The following PIAS1 variants were observed in gnomAD, a reference collection of about 807,000 sequenced individuals.
PIAS1 encodes E3 SUMO-protein ligase PIAS1.
A neutral mutation model predicts 71.3 loss-of-function variants in PIAS1; 6 were observed. The ratio of observed to expected loss-of-function variants is 0.08; its 90% CI spans 0.05 to 0.17. PIAS1 has a LOEUF of 0.17. PIAS1 is among the 10% of genes least tolerant of loss of function. The probability of loss-of-function intolerance (pLI) is 1.00; values close to 1 mark genes in which losing one functional copy is unlikely to be tolerated. For synonymous variants in PIAS1, 303 were observed against 292.9 expected, an observed-to-expected ratio of 1.03 and a Z score of -0.35; for missense variants, 555 against 793.6, an observed-to-expected ratio of 0.70 and a Z score of 3.61.
At chr15:68,108,178 T>C (rs2092488832) in intron 2 of PIAS1, among the ~76,000 whole-genome samples, 1 of 152,100 alleles carries the variant, frequency 6.6e-6, no homozygotes, top group South Asian at 2.1e-4. Context: ...CATAGATAAG[T>C]TTTCTGTAGT....
intron 2 of PIAS1, among the ~76,000 whole-genome samples, chr15:68,107,659 C>G (rs2092483407): frequency 6.6e-6 from 1 of 152,008 alleles, no homozygotes; most frequent in Non-Finnish European, 1.5e-5. Context: ...TTGAAAGTGT[C>G]TATTAAACTA....
At chr15:68,056,885 A>T (rs528391667) in intron 1 of PIAS1, among the ~76,000 whole-genome samples, 23 of 152,338 alleles carry the variant, frequency 1.5e-4, no homozygotes, top group African/African-American at 5.5e-4. Flanking sequence ...AATATCATAC[A>T]TTCCTAATAT....
At chr15:68,093,521 C>T (rs889058591) in intron 2 of PIAS1, among the ~76,000 whole-genome samples, 12 of 152,162 alleles carry the variant, frequency 7.9e-5, no homozygotes, top group South Asian at 2.1e-4. Flanking sequence ...ATTTCTTTTG[C>T]GCCATTCTTC....
chr15:68,074,715 C>T (rs1350656632), intron 1 of PIAS1, among the ~76,000 whole-genome samples: 2 of 152,060 alleles, frequency 1.3e-5, no homozygotes, highest in African/African-American at 4.8e-5. Context: ...TATGAATTGT[C>T]CTTTAGACAT....
chr15:68,087,711 C>A (rs1444853342), intron 2 of PIAS1: 4 of 244,558 alleles, frequency 1.6e-5, no homozygotes, highest in Non-Finnish European at 2.6e-5. Context: ...TGTTACAGAT[C>A]ATTGAACATT....
chr15:68,118,818 A>T (rs2092587946), intron 2 of PIAS1, among the ~76,000 whole-genome samples: 1 of 152,226 alleles, frequency 6.6e-6, no homozygotes, highest in Non-Finnish European at 1.5e-5. Flanking sequence ...TTAGAGATTT[A>T]AATGTAAGAT....
intron 2 of PIAS1, among the ~76,000 whole-genome samples, chr15:68,125,906 C>A (rs377308640): frequency 3.9e-5 from 6 of 152,136 alleles, no homozygotes; most frequent in African/African-American, 1.4e-4. Context: ...CTATGCTGAT[C>A]TAAGCTGACC....
intron 2 of PIAS1, among the ~76,000 whole-genome samples, chr15:68,102,725 T>C (rs2092437752): frequency 6.6e-6 from 1 of 152,328 alleles, no homozygotes; most frequent in East Asian, 1.9e-4. Context: ...GTGACCTTGC[T>C]GAGTTCACTT....
intron 2 of PIAS1, among the ~76,000 whole-genome samples, chr15:68,098,181 CTTTACTATAACCTATTG>C (rs969007709): frequency 1.4e-4 from 21 of 152,246 alleles, no homozygotes; most frequent in African/African-American, 4.8e-4. Flanking sequence ...TCCTCCAAAA[CTTTACTATAACCTATTG>C]TTTACCAGAA....
intron 11 of PIAS1, among the ~76,000 whole-genome samples, 178 bp downstream of exon 11, chr15:68,176,832 A>C (rs1054490146): frequency 6.6e-6 from 1 of 152,156 alleles, no homozygotes; most frequent in Non-Finnish European, 1.5e-5. Context: ...AATGCACCAA[A>C]AGGGTACTTG....
chr15:68,193,835 T>G lies in PIAS1; in HGVS notation c.*6000T>G. 1.7e-6 allele frequency: 1 copy of G among 576,774 alleles called. No individual in the cohort carries two copies. The highest frequency in any genetic ancestry group is 2.3e-5 in the South Asian group (1 of 43,412). The allele number at this position is 576,774 out of a possible 1,614,324, so 35.7% of individuals were successfully genotyped here. On this transcript the variant is annotated 3_prime_UTR_variant, in exon 14 of 14. Transcript: ENST00000249636. ...ATCAATACAAATCTTTTATTAAAGA[T>G]CTACTCATACCATGGCTGAAATCAT...
At chr15:68,091,601 GCTTTGCA>G (rs1349914148) in intron 2 of PIAS1, among the ~76,000 whole-genome samples, 1 of 152,092 alleles carries the variant, frequency 6.6e-6, no homozygotes. Flanking sequence ...AGAACAGAGA[GCTTTGCA>G]TTCATTTGGA....
At chr15:68,179,838 A>G (rs990180611) in intron 11 of PIAS1, among the ~76,000 whole-genome samples, 1 of 151,734 alleles carries the variant, frequency 6.6e-6, no homozygotes. Flanking sequence ...TTGGCCTCCC[A>G]AAGTGCTGGG....
At chr15:68,160,090 T>C (rs2092914842) in intron 7 of PIAS1, among the ~76,000 whole-genome samples, 1 of 152,152 alleles carries the variant, frequency 6.6e-6, no homozygotes, top group African/African-American at 2.4e-5. Context: ...CTCAGGTGCT[T>C]ATTTGCCATT....
At chr15:68,149,258 TGA>T (rs1396065447) in intron 6 of PIAS1, among the ~76,000 whole-genome samples, 3 of 151,674 alleles carry the variant, frequency 2.0e-5, no homozygotes, top group Non-Finnish European at 4.4e-5. Context: ...AAAAAATGTG[TGA>T]GTCATCTGCA....
intron 1 of PIAS1, among the ~76,000 whole-genome samples, chr15:68,072,228 C>T (rs1211725716): frequency 6.6e-6 from 1 of 151,052 alleles, no homozygotes; most frequent in East Asian, 1.9e-4. Context: ...GAAACCCCGT[C>T]TCTACTAAAA....
At chr15:68,138,121 G>A (rs1388055534) in intron 2 of PIAS1, among the ~76,000 whole-genome samples, 1 of 152,152 alleles carries the variant, frequency 6.6e-6, no homozygotes, top group Non-Finnish European at 1.5e-5. Flanking sequence ...CTGCACTCTA[G>A]CGTGGGAACA....
At chr15:68,179,561 G>GTTTTTTTTTTTTTTTTTTTT (rs1307028845) in intron 11 of PIAS1, among the ~76,000 whole-genome samples, 3 of 30,190 alleles carry the variant, frequency 9.9e-5, no homozygotes, top group Non-Finnish European at 2.0e-4. Context: ...CTCGTGAAAT[G>GTTTTTTTTTTTTTTTTTTTT]TTCTTTTTTT....
At chr15:68,158,608 A>G (rs2092906060) in intron 7 of PIAS1, among the ~76,000 whole-genome samples, 1 of 152,230 alleles carries the variant, frequency 6.6e-6, no homozygotes, top group East Asian at 1.9e-4. Flanking sequence ...GCACAGTGCC[A>G]CATACATAGT....
Sources: allele counts gnomAD v4.1 joint callset (sites outside exome capture counted in the v4.1 genomes callset), GRCh38; gene constraint gnomAD v4.1.1; transcripts MANE v1.5; gene names NCBI Gene and HGNC (gene_info 2026-07-23, HGNC 2026-07-21).